ANKRD55: variants seen among roughly 807,000 people sequenced by gnomAD.
ANKRD55 encodes ankyrin repeat domain 55, also known as ankyrin repeat domain-containing protein 55.
ANKRD55 carries 41 observed loss-of-function variants against 60.6 expected under a neutral mutation model. The ratio of observed to expected loss-of-function variants is 0.68; its 90% CI spans 0.53 to 0.88. The LOEUF (loss-of-function observed/expected upper bound fraction) is 0.88, where lower values mean the gene tolerates loss of function less well. Among genes scored for constraint, ANKRD55 ranks in the 40% least tolerant of loss-of-function variants. The pLI is 0.00. For missense variants in ANKRD55, 732 were observed against 767.6 expected, an observed-to-expected ratio of 0.95 and a Z score of 0.55; for synonymous variants, 264 against 290.3, an observed-to-expected ratio of 0.91 and a Z score of 0.92.
At chr5:56,213,565 A>T (rs1336292750) in intron 2 of ANKRD55, among the ~76,000 whole-genome samples, 1 of 152,212 alleles carries the variant, frequency 6.6e-6, no homozygotes, top group Non-Finnish European at 1.5e-5. Flanking sequence ...GAATAGTACA[A>T]CATATAAAAC....
At chr5:56,147,971 A>G (rs1561269921) in intron 6 of ANKRD55, among the ~76,000 whole-genome samples, 1 of 152,350 alleles carries the variant, frequency 6.6e-6, no homozygotes, top group South Asian at 2.1e-4. Flanking sequence ...AGGGGCAAAC[A>G]TCAGGCTTAG....
chr5:56,171,565 A>T (rs1354146569), intron 4 of ANKRD55, among the ~76,000 whole-genome samples: 2 of 152,130 alleles, frequency 1.3e-5, no homozygotes, highest in Admixed American at 6.6e-5. Context: ...ACCCATACCT[A>T]TTGATAACCA....
intron 2 of ANKRD55, among the ~76,000 whole-genome samples, chr5:56,214,205 AT>A (rs2111878393): frequency 6.6e-6 from 1 of 152,330 alleles, no homozygotes; most frequent in South Asian, 2.1e-4. Context: ...TCAAAGTGAG[AT>A]TTGGGTGGGG....
At chr5:56,168,596 A>T (rs1194252540) in intron 5 of ANKRD55, among the ~76,000 whole-genome samples, 1 of 152,190 alleles carries the variant, frequency 6.6e-6, no homozygotes, top group African/African-American at 2.4e-5. Context: ...ATAGGTATGT[A>T]TGTAGAGGAA....
At position 56,179,510 on chromosome 5, in the gene ANKRD55, A is replaced by G. The variant is rs567156368; in HGVS notation, c.182-3228T>C. On this transcript the variant is annotated intron_variant, in intron 3 of 11. Coordinates refer to ENST00000341048, the MANE Select transcript of ANKRD55 (RefSeq NM_024669.3). Reference sequence around the variant, plus strand: ...TCCTTTAAAAAAATCCAAGGAAAAGATTGCAAATTGTCAAAATTGTTAAAT... The same window carrying G: ...TCCTTTAAAAAAATCCAAGGAAAAGGTTGCAAATTGTCAAAATTGTTAAAT... 2.6e-5 allele frequency among the ~76,000 whole-genome samples: 4 copies of G among 152,322 alleles called. No individual in the cohort carries two copies. In the East Asian group the frequency reaches 7.7e-4, roughly 29 times the overall value.
At chr5:56,204,019 T>C (rs1296835051) in intron 2 of ANKRD55, among the ~76,000 whole-genome samples, 1 of 152,300 alleles carries the variant, frequency 6.6e-6, no homozygotes, top group East Asian at 1.9e-4. Flanking sequence ...TAATGATTGC[T>C]GTTCTAACTG....
At chr5:56,200,906 G>T (rs1759349803) in intron 2 of ANKRD55, among the ~76,000 whole-genome samples, 1 of 152,120 alleles carries the variant, frequency 6.6e-6, no homozygotes, top group Non-Finnish European at 1.5e-5. Flanking sequence ...GGACTCTGAA[G>T]CTCTTTCTTA....
At chr5:56,161,998 C>CCTTT in intron 5 of ANKRD55, 2 of 985,382 alleles carry the variant, frequency 2.0e-6, no homozygotes, top group Non-Finnish European at 2.4e-6. Context: ...CTGTGCTTCT[C>CCTTT]CTTTCTTTCT....
intron 8 of ANKRD55, among the ~76,000 whole-genome samples, chr5:56,125,451 T>C (rs989431427): frequency 1.8e-4 from 28 of 152,088 alleles, no homozygotes; most frequent in African/African-American, 6.5e-4. Flanking sequence ...TGGCTAATTT[T>C]TGTATTTTCA....
chr5:56,106,860 A>G (rs1274040868), intron 10 of ANKRD55, among the ~76,000 whole-genome samples: 8 of 152,022 alleles, frequency 5.3e-5, no homozygotes, highest in African/African-American at 1.7e-4. Context: ...ATGATGACAA[A>G]AAAATTAGCC....
chr5:56,117,365 G>A (rs1756913340), intron 8 of ANKRD55, among the ~76,000 whole-genome samples: 1 of 151,964 alleles, frequency 6.6e-6, no homozygotes, highest in Admixed American at 6.6e-5. Context: ...ATTTGTATGT[G>A]CTCTTTATAT....
At chr5:56,158,908 G>A (rs183728514) in intron 6 of ANKRD55, among the ~76,000 whole-genome samples, 23 of 152,256 alleles carry the variant, frequency 1.5e-4, no homozygotes, top group Non-Finnish European at 2.4e-4. Context: ...TGCCCAGGCT[G>A]GTCTCAAACT....
intron 6 of ANKRD55, among the ~76,000 whole-genome samples, chr5:56,150,696 G>C (rs997559200): frequency 1.3e-5 from 2 of 152,004 alleles, no homozygotes; most frequent in Non-Finnish European, 2.9e-5. Flanking sequence ...TCAGGAGTTC[G>C]AGACCAGCCT....
At chr5:56,120,517 G>A (rs570563962) in intron 8 of ANKRD55, among the ~76,000 whole-genome samples, 1 of 152,314 alleles carries the variant, frequency 6.6e-6, no homozygotes, top group South Asian at 2.1e-4. Flanking sequence ...GGGACTGAGA[G>A]CAACTTCAGA....
chr5:56,197,329 A>G (rs1041472220), intron 2 of ANKRD55, among the ~76,000 whole-genome samples: 5 of 152,230 alleles, frequency 3.3e-5, no homozygotes, highest in African/African-American at 1.2e-4. Context: ...TTCATTAAGT[A>G]CTAATAAGTA....
At chr5:56,147,034 C>G (rs2399693) in intron 6 of ANKRD55, among the ~76,000 whole-genome samples, 7,314 of 152,212 alleles carry the variant, frequency 0.048, 594 homozygotes, top group African/African-American at 0.17. Context: ...AGAAACCCCC[C>G]CACAAAACCC....
At chr5:56,120,771 T>C (rs779966196) in intron 8 of ANKRD55, among the ~76,000 whole-genome samples, 3 of 151,964 alleles carry the variant, frequency 2.0e-5, no homozygotes, top group Non-Finnish European at 4.4e-5. Context: ...TAGTGGCACA[T>C]GCCTGTAATC....
At chr5:56,124,514 T>A (rs1000623536) in intron 8 of ANKRD55, among the ~76,000 whole-genome samples, 3 of 152,186 alleles carry the variant, frequency 2.0e-5, no homozygotes, top group Non-Finnish European at 4.4e-5. Flanking sequence ...TTGTTTTTTT[T>A]AATTTTTTTT....
chr5:56,218,921 A>G (rs927156763), intron 2 of ANKRD55, among the ~76,000 whole-genome samples: 6 of 152,158 alleles, frequency 3.9e-5, no homozygotes, highest in Non-Finnish European at 8.8e-5. Flanking sequence ...AAAGGCATAC[A>G]AGTGTTTTTT....
Sources: gnomAD v4.1 joint callset for allele counts (sites outside exome capture counted in the v4.1 genomes callset) on GRCh38, gnomAD v4.1.1 for gene constraint, MANE v1.5 for transcripts, NCBI Gene and HGNC (gene_info 2026-07-23, HGNC 2026-07-21) for gene names.